TRIM33: variants seen among roughly 807,000 people sequenced by gnomAD.
The protein encoded by TRIM33 is tripartite motif containing 33.
In TRIM33, 20 loss-of-function variants were observed where a neutral mutation model predicts 125.4. The observed-to-expected ratio is 0.16, with a 90% CI of 0.11 to 0.23. The LOEUF is 0.23. Among genes scored for constraint, TRIM33 ranks in the 10% least tolerant of loss-of-function variants. TRIM33 has a pLI of 1.00. For missense variants in TRIM33, 920 were observed against 1,411.4 expected, an observed-to-expected ratio of 0.65 and a Z score of 5.58; for synonymous variants, 564 against 513.9, an observed-to-expected ratio of 1.10 and a Z score of -1.32.
chr1:114,467,769 T>G (rs1046339156), intron 1 of TRIM33, among the ~76,000 whole-genome samples: 1 of 152,332 alleles, frequency 6.6e-6, no homozygotes, highest in African/African-American at 2.4e-5. Flanking sequence ...ATAATGCGCT[T>G]AAAGTCAGCT....
Position 114,449,581 on chromosome 1 carries a change from T to C in TRIM33, c.923+13523A>G, listed in dbSNP as rs141311978. Among the ~76,000 whole-genome samples, 173 of 152,302 alleles carry C rather than the reference T, an allele frequency of 1.1e-3. 4 individuals are homozygous for C. The highest frequency in any genetic ancestry group is 6.8e-3 in the Middle Eastern group (2 of 294). ...AGTTTGGGTCTTCCTCTTGTAAAAC[T>C]GTCAATGGAAAAGAAATTCTAGTTT... On this transcript the variant is annotated intron_variant, in intron 4 of 19. Transcript: ENST00000358465.
intron 1 of TRIM33, among the ~76,000 whole-genome samples, chr1:114,475,229 C>T (rs1166958656): frequency 6.6e-6 from 1 of 152,128 alleles, no homozygotes; most frequent in Non-Finnish European, 1.5e-5. Flanking sequence ...GAAATAAAAA[C>T]AATGAGAAAT....
chr1:114,486,156 G>A (rs1405082544), intron 1 of TRIM33, among the ~76,000 whole-genome samples: 1 of 151,894 alleles, frequency 6.6e-6, no homozygotes, highest in Non-Finnish European at 1.5e-5. Flanking sequence ...CACACCTGTA[G>A]TCCCAGCTAT....
At chr1:114,498,991 G>A (rs1401187562) in intron 1 of TRIM33, among the ~76,000 whole-genome samples, 1 of 152,032 alleles carries the variant, frequency 6.6e-6, no homozygotes, top group Non-Finnish European at 1.5e-5. Context: ...GACATAAAAA[G>A]ATAAAAAGAT....
chr1:114,436,931 T>A (rs12084658), intron 4 of TRIM33, among the ~76,000 whole-genome samples: 6 of 152,042 alleles, frequency 3.9e-5, no homozygotes, highest in Non-Finnish European at 8.8e-5. Flanking sequence ...GGATTCCATG[T>A]TAACCCTTTT....
chr1:114,491,466 A>T (rs1437314107), intron 1 of TRIM33, among the ~76,000 whole-genome samples: 2 of 152,220 alleles, frequency 1.3e-5, no homozygotes, highest in Admixed American at 1.3e-4. Flanking sequence ...CAGTCAATAC[A>T]TAACATTTTT....
chr1:114,504,282 CAG>C (rs1239928167), intron 1 of TRIM33, among the ~76,000 whole-genome samples: 2 of 152,158 alleles, frequency 1.3e-5, no homozygotes, highest in Non-Finnish European at 2.9e-5. Context: ...TCTCCCACTT[CAG>C]TCTCCTGAGT....
chr1:114,487,839 A>G (rs6696993), intron 1 of TRIM33, among the ~76,000 whole-genome samples: 50,754 of 145,220 alleles, frequency 0.35, 9,434 homozygotes, highest in African/African-American at 0.45. Flanking sequence ...GGAGCTTGCA[A>G]TGAGCCGAGA....
intron 1 of TRIM33, among the ~76,000 whole-genome samples, chr1:114,484,163 G>A (rs562868865): frequency 4.3e-4 from 66 of 152,304 alleles, no homozygotes; most frequent in Non-Finnish European, 8.4e-4. Flanking sequence ...GAGCTCTTAA[G>A]AGCTTGTTAG....
intron 10 of TRIM33, 35 bp from the exon 11 acceptor site, chr1:114,421,671 T>C (rs1653295759): frequency 6.3e-7 from 1 of 1,599,734 alleles, no homozygotes. Context: ...TTACTTGATC[T>C]GCCAGAATCG....
At chr1:114,486,092 C>T (rs539587259) in intron 1 of TRIM33, among the ~76,000 whole-genome samples, 16 of 151,458 alleles carry the variant, frequency 1.1e-4, no homozygotes, top group Non-Finnish European at 1.9e-4. Context: ...CTGGCCAACA[C>T]GGTGAAACCC....
At chr1:114,424,148 A>T (rs963263929) in intron 10 of TRIM33, among the ~76,000 whole-genome samples, 1 of 138,490 alleles carries the variant, frequency 7.2e-6, no homozygotes, top group Non-Finnish European at 1.6e-5. Flanking sequence ...GAGAAAAGGT[A>T]AAAAAAAATA....
At position 114,397,221 on chromosome 1, in the gene TRIM33, A is replaced by G; in HGVS notation, c.*427T>C. The G allele has an allele frequency of 8.3e-6, 2 of 241,602 alleles. No homozygotes were observed. The highest frequency in any genetic ancestry group is 8.2e-6 in the Non-Finnish European group (1 of 122,304). 15.0% of individuals were successfully genotyped at this position (241,602 alleles called of 1,614,324 possible). On this transcript the variant is annotated 3_prime_UTR_variant, in exon 20 of 20. Transcript: ENST00000358465. Reference sequence around the variant, plus strand: ...CTGATATGTATGTGTGTGAAGGGGGAGGGTTAAAAGTTGTTTTAATAACTG... The same window carrying G: ...CTGATATGTATGTGTGTGAAGGGGGGGGGTTAAAAGTTGTTTTAATAACTG...
Position 114,399,616 on chromosome 1 carries a change from T to A in TRIM33, c.2968-7A>T. 1 of 1,584,796 alleles carries A rather than the reference T, an allele frequency of 6.3e-7. No individual in the cohort carries two copies. The highest frequency in any genetic ancestry group is 1.4e-5 in the African/African-American group (1 of 73,506). Reference sequence around the variant, plus strand: ...TTTTATAGTAGTTTGGTATCTAAAATAAGCACATAATGGCAAATAAGAATT... The same window carrying A: ...TTTTATAGTAGTTTGGTATCTAAAAAAAGCACATAATGGCAAATAAGAATT... On this transcript the variant is annotated splice_polypyrimidine_tract_variant and splice_region_variant and intron_variant, in intron 17 of 19. Coordinates refer to ENST00000358465, the MANE Select transcript of TRIM33 (RefSeq NM_015906.4).
At chr1:114,442,603 G>A (rs1038903017) in intron 4 of TRIM33, among the ~76,000 whole-genome samples, 2 of 147,676 alleles carry the variant, frequency 1.4e-5, no homozygotes, top group African/African-American at 2.5e-5. Context: ...CAGGAGAATA[G>A]CTTGAACCCA....
chr1:114,408,643 C>T (rs756395312), intron 13 of TRIM33, 34 bp downstream of exon 13: 1 of 1,453,802 alleles, frequency 6.9e-7, no homozygotes, highest in Non-Finnish European at 9.4e-7. Context: ...TTTTTCTTAA[C>T]AAAAAGGAAA....
At chr1:114,496,390 C>G (rs1293471333) in intron 1 of TRIM33, among the ~76,000 whole-genome samples, 1 of 152,198 alleles carries the variant, frequency 6.6e-6, no homozygotes, top group Admixed American at 6.5e-5. Context: ...AAGTAGAACC[C>G]TGTAAATTCT....
intron 1 of TRIM33, among the ~76,000 whole-genome samples, chr1:114,507,908 G>C (rs971092547): frequency 6.6e-6 from 1 of 152,138 alleles, no homozygotes; most frequent in African/African-American, 2.4e-5. Flanking sequence ...TTTGAAGCCA[G>C]GAGTTCAAGA....
At chr1:114,484,527 G>T (rs1415805654) in intron 1 of TRIM33, among the ~76,000 whole-genome samples, 1 of 151,906 alleles carries the variant, frequency 6.6e-6, no homozygotes, top group African/African-American at 2.4e-5. Flanking sequence ...AGGAGTTCGA[G>T]ACCAGCCTGG....
Sources: allele counts gnomAD v4.1 joint callset (sites outside exome capture counted in the v4.1 genomes callset), GRCh38; gene constraint gnomAD v4.1.1; transcripts MANE v1.5; gene names NCBI Gene and HGNC (gene_info 2026-07-23, HGNC 2026-07-21).